The following PTPRN variants were observed in gnomAD, a reference collection of about 807,000 sequenced individuals.
PTPRN encodes the protein protein tyrosine phosphatase receptor type N.
Under a neutral mutation model 108.5 loss-of-function variants are expected in PTPRN, and 70 were observed. The observed-to-expected ratio is 0.65, with a 90% CI of 0.53 to 0.79. PTPRN has a LOEUF of 0.79. Ranked by LOEUF, PTPRN falls within the 30% of genes least tolerant of loss-of-function variation. PTPRN has a pLI of 0.00. For missense variants in PTPRN, 1,136 were observed against 1,295.5 expected (o/e 0.88, Z 1.89); for synonymous variants, 496 against 524.6 (o/e 0.95, Z 0.75).
rs376150347 is a variant in PTPRN, at chr2:219,302,700, G to A, written c.515C>T (p.Ser172Phe). 6.2e-7 allele frequency: 1 copy of A among 1,613,366 alleles called. No homozygotes were observed. Among genetic ancestry groups the A allele is most frequent in the South Asian group, 1.1e-5 (1 of 91,042 alleles). The change falls in exon 5 of 23, where the codon TCT becomes TTT. Residue 172 changes from serine (S) to phenylalanine (F), a missense_variant. Ser to Phe is a radical substitution (Grantham distance 155, BLOSUM62 -2). Transcript: ENST00000295718. ...VGKGGAGASS[S>F]LSPLQAELLP... ...CAGCTCAGCCTGCAGAGGGGACAGA[G>A]AGGAGCTGGCCCCAGCTCCACCTTT...
intron 1 of PTPRN, chr2:219,309,006 T>C: frequency 6.5e-7 from 1 of 1,529,094 alleles, no homozygotes; most frequent in Non-Finnish European, 8.8e-7. Flanking sequence ...CCCAATTCTC[T>C]TAGGTCCCGC....
intron 7 of PTPRN, among the ~76,000 whole-genome samples, chr2:219,301,293 GCCCTCATTGTCACCAA>G (rs1402129449): frequency 5.3e-5 from 8 of 150,706 alleles, no homozygotes; most frequent in Non-Finnish European, 1.2e-4. Context: ...CCGTTTTTAG[GCCCTCATTGTCACCAA>G]CCCATCCTTC....
chr2:219,299,380 C>A lies in PTPRN; in HGVS notation c.1528G>T (p.Val510Leu). ...ATGCGGAAGGTGAGGGCTGGTCCCA[C>A]CACACTGCCAGATAGGAGCTATGTT... ...SSGSFINISV[V>L]GPALTFRIRH... The change falls in exon 11 of 23, where the codon GTG becomes TTG. Residue 510 changes from valine to leucine, a missense_variant. Coordinates refer to ENST00000295718, the MANE Select transcript of PTPRN (RefSeq NM_002846.4). 1 of 1,614,170 alleles carries A rather than the reference C, an allele frequency of 6.2e-7. No individual in the cohort carries two copies. Among genetic ancestry groups the A allele is most frequent in the Non-Finnish European group, 8.5e-7 (1 of 1,179,960 alleles).
In PTPRN at chr2:219,296,253, C is replaced by A. The variant is rs749570022; in HGVS notation, c.2481G>T (p.Glu827Asp). Residue 827 changes from glutamate (E) to aspartate (D), a missense_variant, in exon 18 of 23, where the codon GAG becomes GAT. Coordinates refer to ENST00000295718, the MANE Select transcript of PTPRN (RefSeq NM_002846.4). This position sits in a 1 kb window ranked among gnomAD's most constrained non-coding sequence, Gnocchi z 6.0. ...CATATACGTGGTAGAGGGAGGCACC[C>A]TCATCTGGCCAGTAGCGGTCACACT... ...VKQCDRYWPD[E>D]GASLYHVYEV... The A allele has an allele frequency of 5.0e-6, 8 of 1,614,004 alleles. No individual in the cohort carries two copies. The highest frequency in any genetic ancestry group is 6.8e-6 in the Non-Finnish European group (8 of 1,180,044).
At chr2:219,294,410 C>G (rs1044214976) in intron 19 of PTPRN, among the ~76,000 whole-genome samples, 3 of 143,658 alleles carry the variant, frequency 2.1e-5, no homozygotes, top group African/African-American at 8.1e-5. Flanking sequence ...GAGGCAGAGA[C>G]AGAGTGAGAG....
In PTPRN at chr2:219,296,828, C is replaced by G. The variant is rs373559245; in HGVS notation, c.2237-6G>C. Reference sequence around the variant, plus strand: ...TTTTATGCGGGCATGGTCATCTGCACAGACCCGACACCCCACCCCAGATGG... The same window carrying G: ...TTTTATGCGGGCATGGTCATCTGCAGAGACCCGACACCCCACCCCAGATGG... On this transcript the variant is annotated splice_region_variant and splice_polypyrimidine_tract_variant and intron_variant, in intron 15 of 22. Coordinates refer to ENST00000295718, the MANE Select transcript of PTPRN (RefSeq NM_002846.4). The surrounding 1 kb of genome is among the most constrained non-coding windows in gnomAD (Gnocchi z 6.0). 1.2e-6 allele frequency: 2 copies of G among 1,613,950 alleles called. No homozygotes were observed. The highest frequency in any genetic ancestry group is 2.7e-5 in the African/African-American group (2 of 74,892).
rs1452023982 is a variant in PTPRN, at chr2:219,290,189, A to G, written c.*37T>C. 1 of 1,571,162 alleles carries G rather than the reference A, an allele frequency of 6.4e-7. No homozygotes were observed. The highest frequency in any genetic ancestry group is 8.8e-7 in the Non-Finnish European group (1 of 1,141,328). On this transcript the variant is annotated 3_prime_UTR_variant, in exon 23 of 23. Transcript: ENST00000295718. The surrounding 1 kb of genome is among the most constrained non-coding windows in gnomAD (Gnocchi z 4.2). Reference sequence around the variant, plus strand: ...GAGATGCTCACACAGGCAAAGAGGGACAGAGGCTGGGCTGCCCGCCAAGGG... The same window carrying G: ...GAGATGCTCACACAGGCAAAGAGGGGCAGAGGCTGGGCTGCCCGCCAAGGG...
intron 8 of PTPRN, 47 bp from the exon 9 acceptor site, chr2:219,300,306 A>G: frequency 6.6e-7 from 1 of 1,504,330 alleles, no homozygotes. Flanking sequence ...GTGCTGGGGG[A>G]AGGGGTACCC....
intron 20 of PTPRN, among the ~76,000 whole-genome samples, 197 bp from the exon 21 acceptor site, chr2:219,291,087 G>T (rs1952043941): frequency 1.3e-5 from 2 of 152,120 alleles, no homozygotes; most frequent in East Asian, 3.9e-4. Flanking sequence ...GCCTTGAGAG[G>T]GGAGTCTGTG....
intron 3 of PTPRN, among the ~76,000 whole-genome samples, chr2:219,304,716 T>C (rs770117152): frequency 5.3e-5 from 8 of 152,216 alleles, no homozygotes; most frequent in Non-Finnish European, 1.0e-4. Flanking sequence ...CTAGATTTCA[T>C]CCCCTCTCAC....
Position 219,290,890 on chromosome 2 carries a change from A to G in PTPRN, c.2730T>C (p.Ser910=), listed in dbSNP as rs781248989. ...AGGTGCCGGTCCTCCCCGCACCATC[A>G]CTGAAACAGGAGTTAGTGACAGGTT... is the stretch of plus-strand genomic sequence containing the variant. ...GRSCPIIVHC[S]DGAGRTGTYI... The change falls in exon 21 of 23, where the codon AGT becomes AGC. Residue 910 remains serine, a splice_region_variant and synonymous_variant. Transcript: ENST00000295718. This position sits in a 1 kb window ranked among gnomAD's most constrained non-coding sequence, Gnocchi z 4.2. The G allele has an allele frequency of 1.9e-6, 3 of 1,613,822 alleles. No individual in the cohort carries two copies. Among genetic ancestry groups the G allele is most frequent in the Non-Finnish European group, 2.5e-6 (3 of 1,179,770 alleles).
rs1952022394 is a variant in PTPRN, at chr2:219,290,244, G to A, written c.2922C>T (p.Leu974=). ...CAGGGTCTCACTGGGGCAGGGCCTT[G>A]AGGATGGCATTCACTTCCTCCGCCA... is the stretch of plus-strand genomic sequence containing the variant. ...TAVAEEVNAI[L]KALPQ is the part of the protein sequence containing the mutation. Residue 974 remains leucine (L), a synonymous_variant, in exon 23 of 23, where the codon CTC becomes CTT. Transcript: ENST00000295718. The surrounding 1 kb of genome is among the most constrained non-coding windows in gnomAD (Gnocchi z 4.2). 1 of 1,614,076 alleles carries A rather than the reference G, an allele frequency of 6.2e-7. No individual in the cohort carries two copies. Among genetic ancestry groups the A allele is most frequent in the South Asian group, 1.1e-5 (1 of 91,086 alleles).
At chr2:219,298,163 C>A in intron 12 of PTPRN, 60 bp from the exon 13 acceptor site, 1 of 1,534,902 alleles carries the variant, frequency 6.5e-7, no homozygotes, top group South Asian at 1.1e-5. Flanking sequence ...CAGAGCTGCT[C>A]CTCACCCCGG....
At chr2:219,295,954 A>T (rs1009709982) in intron 18 of PTPRN, 4 of 386,550 alleles carry the variant, frequency 1.0e-5, no homozygotes, top group African/African-American at 8.7e-5. Context: ...GTCTCTATGA[A>T]CGCTTTTTGA....
intron 1 of PTPRN, chr2:219,308,743 G>C (rs890406629): frequency 7.7e-6 from 8 of 1,037,710 alleles, no homozygotes; most frequent in Non-Finnish European, 1.0e-5. Flanking sequence ...GCTTCTCTAG[G>C]CTTACGGAGA....
chr2:219,301,803 A>C (rs1952355012), intron 6 of PTPRN, 84 bp from the exon 7 acceptor site: 1 of 1,466,352 alleles, frequency 6.8e-7, no homozygotes, highest in African/African-American at 1.4e-5. Flanking sequence ...GTGGGAAGGG[A>C]CTAGCATGTT....
Position 219,296,116 on chromosome 2 carries a change from GC to G in PTPRN, c.2508+109del. On this transcript the variant is annotated intron_variant, in intron 18 of 22. Transcript: ENST00000295718. The surrounding 1 kb of genome is among the most constrained non-coding windows in gnomAD (Gnocchi z 6.0). ...TGAATCATGAGCAGGGCCAATAAAA[GC>G]CTTTTTAAAAAGACTGTTGAGTGCT... 3 of 1,482,834 alleles carry G rather than the reference GC, an allele frequency of 2.0e-6. No homozygotes were observed. Among genetic ancestry groups the G allele is most frequent in the Non-Finnish European group, 2.8e-6 (3 of 1,079,970 alleles). The allele number at this position is 1,482,834 out of a possible 1,614,324, so 91.9% of individuals were successfully genotyped here.
At chr2:219,301,556 A>T (rs1222719533) in intron 7 of PTPRN, 32 bp downstream of exon 7, 1 of 1,590,304 alleles carries the variant, frequency 6.3e-7, no homozygotes, top group Non-Finnish European at 8.6e-7. Flanking sequence ...GAGCCGGGAG[A>T]TATTGGTCCC....
intron 9 of PTPRN, 87 bp downstream of exon 9, chr2:219,299,898 C>G: frequency 6.3e-7 from 1 of 1,579,036 alleles, no homozygotes; most frequent in Non-Finnish European, 8.6e-7. Flanking sequence ...TGTCCCTGCA[C>G]GTCTGGATTT....
Sources: allele counts gnomAD v4.1 joint callset (sites outside exome capture counted in the v4.1 genomes callset), GRCh38; gene constraint gnomAD v4.1.1; non-coding constraint Gnocchi (gnomAD v3.1); transcripts MANE v1.5; gene names NCBI Gene and HGNC (gene_info 2026-07-23, HGNC 2026-07-21).